Variants in SEMA3C observed in about 807,000 individuals in gnomAD.
SEMA3C encodes semaphorin 3C.
Under a neutral mutation model 89.4 loss-of-function variants are expected in SEMA3C, and 47 were observed. The observed-to-expected ratio is 0.53, with a 90% confidence interval of 0.42 to 0.67. SEMA3C has a LOEUF of 0.67. Among genes scored for constraint, SEMA3C ranks in the 30% least tolerant of loss-of-function variants. The pLI is 0.00. For synonymous variants in SEMA3C, 310 were observed against 320.2 expected (o/e 0.97, Z 0.34); for missense variants, 839 against 929.1 (o/e 0.90, Z 1.26).
chr7:80,882,501 GA>G (rs1232957587), intron 2 of SEMA3C, among the ~76,000 whole-genome samples: 1 of 125,670 alleles, frequency 8.0e-6, no homozygotes, highest in Non-Finnish European at 1.6e-5. Flanking sequence ...ACGACTGTAT[GA>G]AAAAAAGCTA....
chr7:80,844,644 T>C (rs905680618), intron 2 of SEMA3C, among the ~76,000 whole-genome samples: 4 of 152,166 alleles, frequency 2.6e-5, no homozygotes, highest in African/African-American at 9.7e-5. Context: ...TATTCTCATA[T>C]TTAAGGAATA....
intron 11 of SEMA3C, among the ~76,000 whole-genome samples, chr7:80,797,506 T>G (rs1412872152): frequency 1.3e-5 from 2 of 152,220 alleles, no homozygotes; most frequent in Non-Finnish European, 2.9e-5. Flanking sequence ...AGTTAAATAG[T>G]TCTAATCTGT....
chr7:80,831,609 G>T (rs534163638), intron 2 of SEMA3C, among the ~76,000 whole-genome samples: 1 of 152,118 alleles, frequency 6.6e-6, no homozygotes, highest in African/African-American at 2.4e-5. Context: ...ATAAAATAAG[G>T]CATTGTTAAG....
chr7:80,806,604 C>T (rs752742031), intron 6 of SEMA3C, among the ~76,000 whole-genome samples: 33 of 152,012 alleles, frequency 2.2e-4, no homozygotes, highest in Non-Finnish European at 3.7e-4. Context: ...TAACATTCAA[C>T]ATTTACCTTA....
chr7:80,767,788 A>T (rs913171461), intron 12 of SEMA3C, among the ~76,000 whole-genome samples: 124 of 152,124 alleles, frequency 8.2e-4, no homozygotes, highest in Non-Finnish European at 1.3e-3. Flanking sequence ...AGTGAGTAAT[A>T]CTATAAATTT....
At chr7:80,787,951 C>G (rs3778679) in intron 12 of SEMA3C, among the ~76,000 whole-genome samples, 6,892 of 152,126 alleles carry the variant, frequency 0.045, 371 homozygotes, top group East Asian at 0.25. Context: ...AAAAGGATAA[C>G]AAATGTAGTA....
intron 2 of SEMA3C, among the ~76,000 whole-genome samples, chr7:80,881,388 A>C (rs1380035701): frequency 6.6e-6 from 1 of 152,140 alleles, no homozygotes; most frequent in Non-Finnish European, 1.5e-5. Flanking sequence ...AATGTGTTTT[A>C]TGGTGAAGTC....
intron 9 of SEMA3C, among the ~76,000 whole-genome samples, chr7:80,801,058 T>G (rs1789195312): frequency 6.6e-6 from 1 of 151,956 alleles, no homozygotes; most frequent in Admixed American, 6.6e-5. Flanking sequence ...ACCATGCTAG[T>G]AAAATAATAT....
At chr7:80,833,116 T>G (rs1431703265) in intron 2 of SEMA3C, among the ~76,000 whole-genome samples, 2 of 152,122 alleles carry the variant, frequency 1.3e-5, no homozygotes, top group African/African-American at 2.4e-5. Context: ...ATTGCAGTTC[T>G]CCTCCTTGCC....
intron 2 of SEMA3C, among the ~76,000 whole-genome samples, chr7:80,869,908 T>C (rs1419226771): frequency 2.0e-5 from 3 of 152,218 alleles, no homozygotes; most frequent in Non-Finnish European, 2.9e-5. Context: ...CTGGCTACTT[T>C]TCCAGACATT....
At chr7:80,807,195 T>C (rs895304455) in intron 6 of SEMA3C, among the ~76,000 whole-genome samples, 1 of 152,218 alleles carries the variant, frequency 6.6e-6, no homozygotes, top group Non-Finnish European at 1.5e-5. Context: ...CATTTTTGTA[T>C]ATTCAATTAA....
At chr7:80,851,307 C>T (rs1342348919) in intron 2 of SEMA3C, among the ~76,000 whole-genome samples, 1 of 151,794 alleles carries the variant, frequency 6.6e-6, no homozygotes, top group African/African-American at 2.4e-5. Flanking sequence ...GAGATCGAGA[C>T]CAGCCTGACC....
At chr7:80,863,782 ATAG>A (rs963480065) in intron 2 of SEMA3C, among the ~76,000 whole-genome samples, 7 of 129,990 alleles carry the variant, frequency 5.4e-5, no homozygotes, top group Non-Finnish European at 8.1e-5. Flanking sequence ...CATCATATAT[ATAG>A]TAGTATTCCA....
At chr7:80,758,283 T>C in intron 15 of SEMA3C, 48 bp downstream of exon 15, 3 of 1,571,748 alleles carry the variant, frequency 1.9e-6, no homozygotes, top group Non-Finnish European at 2.6e-6. Context: ...ACTTCTGTAT[T>C]GTCTGGTGTC....
At position 80,751,331 on chromosome 7, in the gene SEMA3C, C is replaced by G. The variant is rs749412481; in HGVS notation, c.1649G>C (p.Ser550Thr). 3 of 1,613,842 alleles carry G rather than the reference C, an allele frequency of 1.9e-6. No homozygotes were observed. Among genetic ancestry groups the G allele is most frequent in the Non-Finnish European group, 1.7e-6 (2 of 1,179,758 alleles). ...SRFYPTGKRR[S>T]RRQDVRHGNP... Reference sequence around the variant, plus strand: ...TCCATGTCTCACATCTTGTCTTCGGCTCCTCCTGCAAGTGCAGAAATACAT... The same window carrying G: ...TCCATGTCTCACATCTTGTCTTCGGGTCCTCCTGCAAGTGCAGAAATACAT... The change falls in exon 16 of 18, where the codon AGC becomes ACC. Residue 550 changes from serine (S) to threonine (T), a missense_variant. By Grantham distance (58) the Ser-to-Thr change is moderately conservative. Coordinates refer to ENST00000265361, the MANE Select transcript of SEMA3C (RefSeq NM_006379.5).
chr7:80,813,161 C>T (rs1235014610), intron 5 of SEMA3C, among the ~76,000 whole-genome samples: 1 of 152,030 alleles, frequency 6.6e-6, no homozygotes, highest in Non-Finnish European at 1.5e-5. Context: ...TTTGACACAA[C>T]ATTCGATTCC....
intron 2 of SEMA3C, among the ~76,000 whole-genome samples, chr7:80,830,978 G>A (rs1723104819): frequency 6.6e-6 from 1 of 152,178 alleles, no homozygotes; most frequent in Non-Finnish European, 1.5e-5. Flanking sequence ...AAAGGTTGGA[G>A]AGGACACAGA....
intron 11 of SEMA3C, among the ~76,000 whole-genome samples, chr7:80,790,070 G>C (rs1358438495): frequency 2.0e-5 from 3 of 152,108 alleles, no homozygotes; most frequent in African/African-American, 4.8e-5. Flanking sequence ...GGATGTTGAA[G>C]CCAGGGGTTC....
chr7:80,750,471 TATAC>T (rs869068401), intron 16 of SEMA3C, among the ~76,000 whole-genome samples: 1,049 of 52,072 alleles, frequency 0.02, 6 homozygotes, highest in Middle Eastern at 0.068. Flanking sequence ...TATATATATA[TATAC>T]ACACACACAC....
Sources: allele counts gnomAD v4.1 joint callset (sites outside exome capture counted in the v4.1 genomes callset), GRCh38; gene constraint gnomAD v4.1.1; transcripts MANE v1.5; gene names NCBI Gene and HGNC (gene_info 2026-07-23, HGNC 2026-07-21).